Variants in ADGRG1 observed in about 807,000 individuals in gnomAD.
ADGRG1 encodes adhesion G protein-coupled receptor G1, also known as 7-transmembrane protein with no EGF-like N-terminal domains-1.
Under a neutral mutation model 73.5 loss-of-function variants are expected in ADGRG1, and 53 were observed. The ratio of observed to expected loss-of-function variants is 0.72; its 90% CI spans 0.58 to 0.91. The LOEUF (loss-of-function observed/expected upper bound fraction) is 0.91, where lower values mean the gene tolerates loss of function less well. Ranked by LOEUF, ADGRG1 falls within the 40% of genes least tolerant of loss-of-function variation. The pLI is 0.00. For synonymous variants in ADGRG1, 394 were observed against 374.4 expected (o/e 1.05, Z -0.60); for missense variants, 795 against 871.8 (o/e 0.91, Z 1.11).
At chr16:57,647,536 G>A (rs983537959) in intron 1 of ADGRG1, 8 of 693,966 alleles carry the variant, frequency 1.2e-5, no homozygotes, top group Non-Finnish European at 1.2e-5. Context: ...TTTGAGTGAG[G>A]TTGACTTCTT....
chr16:57,663,462 C>T lies in ADGRG1; in HGVS notation c.1944C>T (p.Ile648=), dbSNP rs2148657553. 6.2e-7 allele frequency: 1 copy of T among 1,614,092 alleles called. No homozygotes were observed. Among genetic ancestry groups the T allele is most frequent in the Admixed American group, 1.7e-5 (1 of 60,034 alleles). Reference sequence around the variant, plus strand: ...CCTCACTGCCCGCAGGCTTCCTCATCTTCATCTGGTACTGGTCCATGCGGC... The same window carrying T: ...CCTCACTGCCCGCAGGCTTCCTCATTTTCATCTGGTACTGGTCCATGCGGC... ...SIITSFQGFL[I]FIWYWSMRLQ... The change falls in exon 14 of 14, where the codon ATC becomes ATT. Residue 648 remains isoleucine (I), a synonymous_variant. Transcript: ENST00000562631.
intron 1 of ADGRG1, chr16:57,648,448 G>A (rs2043211712): frequency 2.0e-6 from 2 of 981,312 alleles, no homozygotes; most frequent in South Asian, 4.7e-5. Flanking sequence ...TTTGACCTAC[G>A]ACTGAACTGA....
chr16:57,625,286 A>G (rs937971846), upstream of ADGRG1, among the ~76,000 whole-genome samples: 1 of 152,172 alleles, frequency 6.6e-6, no homozygotes, highest in Non-Finnish European at 1.5e-5. Context: ...GCTTCCCCAC[A>G]TGACACAGAG....
chr16:57,635,571 T>C (rs1255364925), intron 1 of ADGRG1: 28 of 985,262 alleles, frequency 2.8e-5, no homozygotes, highest in Non-Finnish European at 3.3e-5. Context: ...CCTTTAGTGA[T>C]TGCGATCTAG....
At chr16:57,657,604 G>A (rs75286508) in intron 10 of ADGRG1, 113 bp downstream of exon 10, 3 of 863,454 alleles carry the variant, frequency 3.5e-6, no homozygotes, top group East Asian at 2.4e-5. Context: ...GGAACTGTGT[G>A]TGTGGTTAGG....
At position 57,661,871 on chromosome 16, in the gene ADGRG1, TGGCCTGCCCTG is replaced by T. The variant is rs781533328; in HGVS notation, c.1845_1855del (p.Pro616AspfsTer128). The stretch of plus-strand genomic sequence containing the variant: ...CACTGCTGGGCCTCAGCCTGGTCCT[TGGCCTGCCCTG>T]GGCCTTGATCTTCTTCTCCTTTGCT... On this transcript the variant is annotated frameshift_variant, in exon 13 of 14. Coordinates refer to ENST00000562631, the MANE Select transcript of ADGRG1 (RefSeq NM_201525.4). LOFTEE classifies it high-confidence loss of function. The T allele has an allele frequency of 5.6e-6, 9 of 1,614,268 alleles. No homozygotes were observed. Among genetic ancestry groups the T allele is most frequent in the Non-Finnish European group, 7.6e-6 (9 of 1,180,040 alleles).
intron 1 of ADGRG1, chr16:57,633,354 C>T: frequency 2.0e-6 from 2 of 985,346 alleles, no homozygotes; most frequent in Non-Finnish European, 2.4e-6. Flanking sequence ...GGCTGAATTT[C>T]TCACAACTTC....
At chr16:57,645,066 C>T (rs2042241824) in intron 1 of ADGRG1, 2 of 985,154 alleles carry the variant, frequency 2.0e-6, no homozygotes, top group Non-Finnish European at 2.4e-6. Context: ...TGCACACGCA[C>T]ACACACCCAC....
chr16:57,653,538 ACATCCAC>A, intron 4 of ADGRG1: 1 of 985,288 alleles, frequency 1.0e-6, no homozygotes, highest in Non-Finnish European at 1.2e-6. Context: ...AACCAACATC[ACATCCAC>A]CATCCCAAGC....
intron 1 of ADGRG1, chr16:57,629,418 G>A (rs1213559209): frequency 6.6e-6 from 1 of 152,498 alleles, no homozygotes; most frequent in East Asian, 1.9e-4. Context: ...TACACAGATG[G>A]GAGAACCGAG....
chr16:57,622,213 C>T (rs2034980247), intron 2 of ADGRG1: 1 of 152,062 alleles, frequency 6.6e-6, no homozygotes, highest in Admixed American at 6.5e-5. Context: ...GACAGAGGCT[C>T]TCTAAGATAG....
intron 1 of ADGRG1, chr16:57,646,721 G>A (rs1257381703): frequency 3.1e-6 from 3 of 982,394 alleles, no homozygotes; most frequent in South Asian, 4.7e-5. Context: ...CACCACGCTC[G>A]TGTGATCTCA....
At chr16:57,653,043 C>T in intron 3 of ADGRG1, 160 bp from the exon 4 acceptor site, 2 of 1,515,070 alleles carry the variant, frequency 1.3e-6, no homozygotes, top group Non-Finnish European at 8.8e-7. Flanking sequence ...ATCTGAGTGG[C>T]CTTGGCAGAG....
chr16:57,652,947 G>T, intron 3 of ADGRG1: 11 of 1,363,612 alleles, frequency 8.1e-6, no homozygotes, highest in Non-Finnish European at 9.5e-6. Flanking sequence ...TGCGGAGGGT[G>T]CTGAGCAAGG....
intron 5 of ADGRG1, among the ~76,000 whole-genome samples, chr16:57,654,521 G>A (rs780523081): frequency 2.7e-4 from 40 of 150,054 alleles, no homozygotes; most frequent in Non-Finnish European, 5.0e-4. Context: ...GGTCTCAAGC[G>A]ATTCTCCCAC....
In ADGRG1 at chr16:57,621,939, C is replaced by CT. The variant is rs2034908319; in HGVS notation, c.-154+545dup. On this transcript the variant is annotated intron_variant, in intron 2 of 4. Coordinates refer to the ADGRG1 transcript ENST00000561833. ...GGAGTCAGAGGCCTCTTCTGCTGCC[C>CT]TCTCCACTGGGGGAATTTGGATTTT... The CT allele has an allele frequency of 4.6e-6, 4 of 877,938 alleles. No homozygotes were observed. The South Asian group carries it at 1.6e-4, about 34-fold the overall frequency. 54.4% of individuals were successfully genotyped at this position (877,938 alleles called of 1,614,324 possible). A position where few individuals can be genotyped will look rare whatever the true frequency, so the allele number is the denominator to read the frequency against.
intron 1 of ADGRG1, chr16:57,639,794 C>A (rs1179498819): frequency 2.1e-5 from 17 of 818,416 alleles, no homozygotes; most frequent in Non-Finnish European, 2.5e-5. Context: ...CGCCTCCTTC[C>A]TCCCCATCCC....
At chr16:57,628,874 G>A (rs796302579) in intron 1 of ADGRG1, 72 bp downstream of exon 1, 16 of 832,592 alleles carry the variant, frequency 1.9e-5, no homozygotes, top group African/African-American at 8.1e-5. Context: ...GTGTGTGAGC[G>A]TGAGTGTGTG....
At chr16:57,657,835 G>A (rs780120931) in intron 10 of ADGRG1, among the ~76,000 whole-genome samples, 6 of 151,890 alleles carry the variant, frequency 4.0e-5, no homozygotes, top group East Asian at 1.9e-4. Flanking sequence ...TCTGCCTCCC[G>A]GGTTCAAGTG....
Sources: gnomAD v4.1 joint callset for allele counts (sites outside exome capture counted in the v4.1 genomes callset) on GRCh38, gnomAD v4.1.1 for gene constraint, MANE v1.5 for transcripts, NCBI Gene and HGNC (gene_info 2026-07-23, HGNC 2026-07-21) for gene names.